TADA2A: variants seen among roughly 807,000 people sequenced by gnomAD.
The protein encoded by TADA2A is transcriptional adaptor 2A.
Under a neutral mutation model 67.4 loss-of-function variants are expected in TADA2A, and 38 were observed. The observed-to-expected ratio is 0.56, with a 90% confidence interval of 0.44 to 0.74. TADA2A has a LOEUF of 0.74. Ranked by LOEUF, TADA2A falls within the 30% of genes least tolerant of loss-of-function variation. The pLI, the probability that TADA2A is intolerant of heterozygous loss-of-function variation, is 0.00. For synonymous variants in TADA2A, 192 were observed against 181.6 expected (o/e 1.06, Z -0.46); for missense variants, 454 against 547.0 (o/e 0.83, Z 1.70).
intron 4 of TADA2A, among the ~76,000 whole-genome samples, chr17:37,431,916 A>G (rs1246757163): frequency 6.6e-6 from 1 of 152,178 alleles, no homozygotes; most frequent in Non-Finnish European, 1.5e-5. Context: ...TAGACAGTAT[A>G]TCATTTCATC....
intron 1 of TADA2A, 63 bp from the exon 2 acceptor site, chr17:37,411,206 T>C (rs538114866): frequency 1.5e-6 from 1 of 683,746 alleles, no homozygotes; most frequent in African/African-American, 1.8e-5. Flanking sequence ...GTTGCATATC[T>C]TCTCTTTATC....
At position 37,465,419 on chromosome 17, in the gene TADA2A, T is replaced by C; in HGVS notation, c.713-12T>C. On this transcript the variant is annotated splice_polypyrimidine_tract_variant and intron_variant, in intron 10 of 15. Coordinates refer to ENST00000615182, the MANE Select transcript of TADA2A (RefSeq NM_001166105.3). Reference sequence around the variant, plus strand: ...TTTCCCATGACACATTTATGTTTTATTTTCTCTGTAGTAATGGAACGGCGG... The same window carrying C: ...TTTCCCATGACACATTTATGTTTTACTTTCTCTGTAGTAATGGAACGGCGG... The C allele has an allele frequency of 6.3e-7, 1 of 1,585,436 alleles. No individual in the cohort carries two copies. Among genetic ancestry groups the C allele is most frequent in the Non-Finnish European group, 8.6e-7 (1 of 1,163,180 alleles).
intron 3 of TADA2A, 133 bp from the exon 4 acceptor site, chr17:37,426,817 C>A (rs1465887063): frequency 1.4e-6 from 1 of 732,184 alleles, no homozygotes; most frequent in Non-Finnish European, 2.2e-6. Flanking sequence ...TGCACTTCGG[C>A]CTGGGTGACA....
chr17:37,476,547 C>T lies in TADA2A; in HGVS notation c.1147-250C>T, dbSNP rs142879109. Among the ~76,000 whole-genome samples, 6 of 152,258 alleles carry T rather than the reference C, an allele frequency of 3.9e-5. No individual in the cohort carries two copies. In the East Asian group the frequency reaches 1.2e-3, roughly 29 times the overall value. On this transcript the variant is annotated intron_variant, in intron 15 of 15. Transcript: ENST00000615182. ...TGTAAATCCCTAACAAACCCAGGCC[C>T]CTGAGCCAGCTGGCATGTGCTAAAG...
chr17:37,452,185 T>A (rs1293720256), intron 8 of TADA2A, among the ~76,000 whole-genome samples: 1 of 151,662 alleles, frequency 6.6e-6, no homozygotes, highest in Non-Finnish European at 1.5e-5. Context: ...GGTGGATCAC[T>A]TGAGGTCAGG....
intron 10 of TADA2A, among the ~76,000 whole-genome samples, chr17:37,463,034 G>A (rs1401570374): frequency 1.3e-5 from 2 of 152,066 alleles, no homozygotes; most frequent in Non-Finnish European, 2.9e-5. Flanking sequence ...GTGCAGTGGT[G>A]TGATGGTATC....
At chr17:37,411,965 C>G (rs372049753) in intron 2 of TADA2A, among the ~76,000 whole-genome samples, 1 of 151,382 alleles carries the variant, frequency 6.6e-6, no homozygotes, top group Non-Finnish European at 1.5e-5. Flanking sequence ...AATCCCAGCA[C>G]TTTGGGAGGC....
In TADA2A at chr17:37,478,662, T is replaced by C. The variant is rs2053934814; in HGVS notation, c.*1680T>C. The C allele has an allele frequency of 6.6e-6, 1 of 152,188 alleles. No individual in the cohort carries two copies. Among genetic ancestry groups the C allele is most frequent in the South Asian group, 2.1e-4 (1 of 4,820 alleles). 9.4% of individuals were successfully genotyped at this position (152,188 alleles called of 1,614,324 possible). ...TTTCTGTTAGAAACAAAGTTGTATATAGAAATAACTTCGTCAGAATCGACA... is the reference window on the plus strand; with the variant it reads ...TTTCTGTTAGAAACAAAGTTGTATACAGAAATAACTTCGTCAGAATCGACA... On this transcript the variant is annotated 3_prime_UTR_variant, in exon 16 of 16. Transcript: ENST00000615182.
rs1380114933 is a variant in TADA2A at position 37,477,095 on chromosome 17, CAG to C, written c.*114_*115del. On this transcript the variant is annotated 3_prime_UTR_variant, in exon 16 of 16. Transcript: ENST00000615182. ...TTCAGCTGAATTCTCATGGTGAAAA[CAG>C]GGGAAAGGACAAAGGAAACCTTAAG... 38 of 1,139,018 alleles carry C rather than the reference CAG, an allele frequency of 3.3e-5. No individual in the cohort carries two copies. The highest frequency in any genetic ancestry group is 1.9e-4 in the African/African-American group (12 of 64,458). 70.6% of individuals were successfully genotyped at this position (1,139,018 alleles called of 1,614,324 possible).
Position 37,456,620 on chromosome 17 carries a change from A to C in TADA2A, c.605-1904A>C, listed in dbSNP as rs530937962. 3.9e-5 allele frequency among the ~76,000 whole-genome samples: 6 copies of C among 152,360 alleles called. No homozygotes were observed. The South Asian group carries it at 8.3e-4, about 21-fold the overall frequency. Reference sequence around the variant, plus strand: ...TATCTTTACTCTGATGCAGTTATCCAATATAGGAGTTTTAGAGGATAGGAA... The same window carrying C: ...TATCTTTACTCTGATGCAGTTATCCCATATAGGAGTTTTAGAGGATAGGAA... On this transcript the variant is annotated intron_variant, in intron 8 of 15. Coordinates refer to ENST00000615182, the MANE Select transcript of TADA2A (RefSeq NM_001166105.3).
intron 2 of TADA2A, among the ~76,000 whole-genome samples, chr17:37,411,593 T>A (rs1256914313): frequency 1.3e-5 from 2 of 151,878 alleles, no homozygotes; most frequent in Non-Finnish European, 2.9e-5. Flanking sequence ...CAGCTAATTT[T>A]TTTTATTTTT....
chr17:37,431,089 G>A (rs537536721), intron 4 of TADA2A, among the ~76,000 whole-genome samples: 1 of 151,910 alleles, frequency 6.6e-6, no homozygotes, highest in Admixed American at 6.6e-5. Context: ...CAAGTTCTAA[G>A]TGCCTGTGTA....
chr17:37,424,044 G>A (rs1467552111), intron 3 of TADA2A, among the ~76,000 whole-genome samples: 7 of 150,426 alleles, frequency 4.7e-5, no homozygotes, highest in East Asian at 4.1e-4. Context: ...CACCGCACCC[G>A]GCCCCAATTT....
chr17:37,423,679 C>A, intron 3 of TADA2A, 64 bp downstream of exon 3: 2 of 1,221,704 alleles, frequency 1.6e-6, no homozygotes, highest in Non-Finnish European at 2.3e-6. Context: ...TGTAATATTT[C>A]GGAGATTACT....
chr17:37,476,605 C>T (rs995453669), intron 15 of TADA2A, among the ~76,000 whole-genome samples, 192 bp from the exon 16 acceptor site: 4 of 152,184 alleles, frequency 2.6e-5, no homozygotes, highest in African/African-American at 9.7e-5. Flanking sequence ...GCTTTCTCTT[C>T]CTGGGTGTGT....
chr17:37,476,709 C>T, intron 15 of TADA2A, 88 bp from the exon 16 acceptor site: 1 of 1,434,034 alleles, frequency 7.0e-7, no homozygotes, highest in East Asian at 2.3e-5. Flanking sequence ...AGGTTGATGT[C>T]ACTTTAAAAA....
intron 9 of TADA2A, among the ~76,000 whole-genome samples, chr17:37,460,202 C>G (rs2053514481): frequency 6.6e-6 from 1 of 151,468 alleles, no homozygotes; most frequent in African/African-American, 2.4e-5. Context: ...GTGTGAGCCA[C>G]TGCACTCGGA....
intron 9 of TADA2A, among the ~76,000 whole-genome samples, chr17:37,459,409 A>G (rs2053489478): frequency 6.6e-6 from 1 of 151,348 alleles, no homozygotes; most frequent in African/African-American, 2.4e-5. Flanking sequence ...CAGCCTCCCA[A>G]GTGGCTGGGA....
intron 2 of TADA2A, among the ~76,000 whole-genome samples, chr17:37,416,624 T>C (rs1002291343): frequency 1.3e-5 from 2 of 151,934 alleles, no homozygotes; most frequent in Admixed American, 6.6e-5. Flanking sequence ...CCCAGCACTT[T>C]GGGAGGCCGA....
Sources: gnomAD v4.1 joint callset for allele counts (sites outside exome capture counted in the v4.1 genomes callset) on GRCh38, gnomAD v4.1.1 for gene constraint, MANE v1.5 for transcripts, NCBI Gene and HGNC (gene_info 2026-07-23, HGNC 2026-07-21) for gene names.